The following WDPCP variants were observed in gnomAD, a reference collection of about 807,000 sequenced individuals.
The protein encoded by WDPCP is WD repeat containing planar cell polarity effector.
Under a neutral mutation model 93.1 loss-of-function variants are expected in WDPCP, and 71 were observed. The ratio of observed to expected loss-of-function variants is 0.76; its 90% CI spans 0.63 to 0.93. The LOEUF is 0.93. Among genes scored for constraint, WDPCP ranks in the 40% least tolerant of loss-of-function variants. WDPCP has a pLI of 0.00. For synonymous variants in WDPCP, 315 were observed against 315.0 expected (o/e 1.00, Z 0.00); for missense variants, 844 against 887.4 (o/e 0.95, Z 0.62).
At chr2:63,147,967 CAAAAAAA>C (rs11331152) in intron 17 of WDPCP, among the ~76,000 whole-genome samples, 1 of 87,518 alleles carries the variant, frequency 1.1e-5, no homozygotes, top group Non-Finnish European at 2.2e-5. Context: ...GACTCTGTCT[CAAAAAAA>C]AAAAAAAAAA....
chr2:63,225,769 G>A (rs1313907655), intron 14 of WDPCP, among the ~76,000 whole-genome samples: 2 of 151,882 alleles, frequency 1.3e-5, no homozygotes, highest in African/African-American at 4.8e-5. Flanking sequence ...ATAGTCATCT[G>A]TGTGTATTAC....
intron 2 of WDPCP, among the ~76,000 whole-genome samples, chr2:63,708,477 A>C (rs2103740816): frequency 6.6e-6 from 1 of 152,328 alleles, no homozygotes; most frequent in Admixed American, 6.5e-5. Context: ...CCGTTGGGAA[A>C]GCACAGTATT....
chr2:63,362,341 G>T (rs1234302968), intron 12 of WDPCP, among the ~76,000 whole-genome samples: 2 of 149,136 alleles, frequency 1.3e-5, no homozygotes, highest in East Asian at 2.0e-4. Flanking sequence ...GAGAGAGGGA[G>T]GGAAAGAGGC....
intron 1 of WDPCP, among the ~76,000 whole-genome samples, chr2:63,822,930 T>C (rs1256450498): frequency 6.6e-6 from 1 of 151,098 alleles, no homozygotes; most frequent in African/African-American, 2.4e-5. Flanking sequence ...CTGTTATTAT[T>C]AACCTATCTT....
At chr2:63,244,428 T>C (rs1680109353) in intron 14 of WDPCP, among the ~76,000 whole-genome samples, 1 of 152,108 alleles carries the variant, frequency 6.6e-6, no homozygotes, top group African/African-American at 2.4e-5. Flanking sequence ...AAACCAAAAG[T>C]TGGTTCTTTG....
intron 17 of WDPCP, among the ~76,000 whole-genome samples, chr2:63,132,097 A>G (rs1165339501): frequency 2.0e-5 from 3 of 151,956 alleles, no homozygotes; most frequent in Non-Finnish European, 4.4e-5. Context: ...CGGCCTCCCA[A>G]AGTGCTAGGA....
chr2:63,146,795 GA>G (rs906947652), intron 17 of WDPCP, among the ~76,000 whole-genome samples: 4 of 152,040 alleles, frequency 2.6e-5, no homozygotes, highest in African/African-American at 9.7e-5. Context: ...AATAAAAGTT[GA>G]AAAAAATAAG....
chr2:63,387,020 T>G (rs1038765523), intron 10 of WDPCP, among the ~76,000 whole-genome samples: 1 of 151,926 alleles, frequency 6.6e-6, no homozygotes, highest in Admixed American at 6.6e-5. Context: ...AGAAAAAGCT[T>G]AGGAGCAGAC....
intron 2 of WDPCP, among the ~76,000 whole-genome samples, chr2:63,676,832 T>A (rs1710409482): frequency 6.6e-6 from 1 of 152,048 alleles, no homozygotes; most frequent in Admixed American, 6.6e-5. Flanking sequence ...CAAGTCCATG[T>A]ATAACTGGTA....
chr2:63,745,791 G>A (rs1171092825), intron 2 of WDPCP, among the ~76,000 whole-genome samples: 1 of 152,118 alleles, frequency 6.6e-6, no homozygotes, highest in Non-Finnish European at 1.5e-5. Context: ...AGTTACTGGA[G>A]TTACTAGGGT....
At chr2:63,225,823 T>C (rs1225133643) in intron 14 of WDPCP, among the ~76,000 whole-genome samples, 1 of 151,864 alleles carries the variant, frequency 6.6e-6, no homozygotes, top group Admixed American at 6.6e-5. Context: ...TGGATAAGGA[T>C]GTGTAATTCT....
intron 1 of WDPCP, among the ~76,000 whole-genome samples, chr2:63,543,219 TGAGA>T (rs1227495716): frequency 6.6e-6 from 1 of 152,118 alleles, no homozygotes; most frequent in Non-Finnish European, 1.5e-5. Flanking sequence ...ACTCTGCATC[TGAGA>T]GAGCATTATC....
intron 9 of WDPCP, among the ~76,000 whole-genome samples, chr2:63,413,661 G>A (rs898610445): frequency 3.3e-5 from 5 of 152,102 alleles, no homozygotes; most frequent in Admixed American, 6.6e-5. Flanking sequence ...AGCCAGGTGT[G>A]GTGGCGGGAG....
intron 1 of WDPCP, among the ~76,000 whole-genome samples, chr2:63,565,506 A>G (rs1246224738): frequency 1.3e-5 from 2 of 152,222 alleles, no homozygotes; most frequent in African/African-American, 2.4e-5. Context: ...GGAGTCACTG[A>G]GAAAAATAAG....
chr2:63,385,276 A>C (rs116493412), intron 10 of WDPCP, among the ~76,000 whole-genome samples: 2,351 of 152,198 alleles, frequency 0.015, 61 homozygotes, highest in African/African-American at 0.054. Context: ...ATATTGTACC[A>C]GATGTCCTAG....
At chr2:63,228,037 A>T (rs765359463) in intron 14 of WDPCP, among the ~76,000 whole-genome samples, 36 of 152,250 alleles carry the variant, frequency 2.4e-4, no homozygotes, top group South Asian at 1.7e-3. Flanking sequence ...ATCAGTTGCT[A>T]AGAATAATTT....
Position 63,404,267 on chromosome 2 carries a change from T to C in WDPCP, c.1216A>G (p.Met406Val), listed in dbSNP as rs939729364. 3 of 1,613,988 alleles carry C rather than the reference T, an allele frequency of 1.9e-6. No homozygotes were observed. In the Admixed American group the frequency reaches 5.0e-5, roughly 27 times the overall value. ...SNQGELQIFDMALSPINIQLL... is the reference protein window; with the variant it reads ...SNQGELQIFDVALSPINIQLL... ...TGGATGTTAATAGGGGATAGAGCCA[T>C]ATCAAAAATTTGCAACTCCCCTTGG... The change falls in exon 10 of 18, where the codon ATG becomes GTG. Residue 406 changes from methionine (M) to valine (V), a missense_variant. By Grantham distance (21) the Met-to-Val change is conservative (BLOSUM62 1). Coordinates refer to ENST00000272321, the MANE Select transcript of WDPCP (RefSeq NM_015910.7).
intron 2 of WDPCP, among the ~76,000 whole-genome samples, chr2:63,705,318 A>T (rs1031432586): frequency 6.6e-6 from 1 of 151,974 alleles, no homozygotes; most frequent in African/African-American, 2.4e-5. Flanking sequence ...CTCTGATCTT[A>T]GTTATTTCTT....
At chr2:63,323,179 T>A (rs1687258763) in intron 12 of WDPCP, among the ~76,000 whole-genome samples, 1 of 152,178 alleles carries the variant, frequency 6.6e-6, no homozygotes, top group Non-Finnish European at 1.5e-5. Context: ...GACTTGCCCA[T>A]CTATTCTATC....
Sources: gnomAD v4.1 joint callset for allele counts (sites outside exome capture counted in the v4.1 genomes callset) on GRCh38, gnomAD v4.1.1 for gene constraint, MANE v1.5 for transcripts, NCBI Gene and HGNC (gene_info 2026-07-23, HGNC 2026-07-21) for gene names.